The following WDR20 variants were observed in gnomAD, a reference collection of about 807,000 sequenced individuals.
WDR20 encodes the protein WD repeat domain 20.
In WDR20, 3 loss-of-function variants were observed where a neutral mutation model predicts 38.7. The observed-to-expected ratio is 0.08, with a 90% CI of 0.04 to 0.20. The LOEUF is 0.20. WDR20 is among the 10% of genes least tolerant of loss of function. The probability of loss-of-function intolerance (pLI) is 1.00; values close to 1 mark genes in which losing one functional copy is unlikely to be tolerated. For missense variants in WDR20, 559 were observed against 727.7 expected (o/e 0.77, Z 2.67); for synonymous variants, 298 against 285.6 (o/e 1.04, Z -0.44).
At chr14:102,159,233 C>A (rs1456757985) in intron 1 of WDR20, among the ~76,000 whole-genome samples, 7 of 152,028 alleles carry the variant, frequency 4.6e-5, no homozygotes, top group African/African-American at 1.7e-4. Flanking sequence ...TGAGCCACCG[C>A]ACCCAGCCCA....
intron 1 of WDR20, among the ~76,000 whole-genome samples, chr14:102,147,100 G>A (rs1383219586): frequency 6.6e-6 from 1 of 152,122 alleles, no homozygotes; most frequent in African/African-American, 2.4e-5. Context: ...GAAGAGGAGG[G>A]TGGTCATGAG....
chr14:102,180,477 A>G (rs1433011311), intron 1 of WDR20, among the ~76,000 whole-genome samples: 2 of 152,212 alleles, frequency 1.3e-5, no homozygotes, highest in Non-Finnish European at 2.9e-5. Flanking sequence ...CATACTATTT[A>G]TTGCAACTCC....
chr14:102,218,210 G>A (rs1291408584), downstream of WDR20, among the ~76,000 whole-genome samples: 2 of 152,234 alleles, frequency 1.3e-5, no homozygotes, highest in Admixed American at 1.3e-4. Flanking sequence ...GGTGACCTTG[G>A]GGGTTGAATG....
intron 1 of WDR20, among the ~76,000 whole-genome samples, chr14:102,165,455 G>A (rs1478009195): frequency 6.6e-6 from 1 of 151,938 alleles, no homozygotes; most frequent in Non-Finnish European, 1.5e-5. Context: ...CTAGCTTACT[G>A]AATTGAAAAC....
At chr14:102,148,123 G>A (rs1242344035) in intron 1 of WDR20, among the ~76,000 whole-genome samples, 3 of 152,202 alleles carry the variant, frequency 2.0e-5, no homozygotes, top group African/African-American at 7.2e-5. Context: ...AGGTTAGTTT[G>A]TGCAGTAATA....
intron 1 of WDR20, among the ~76,000 whole-genome samples, chr14:102,163,259 T>C (rs2152785446): frequency 6.6e-6 from 1 of 152,222 alleles, no homozygotes; most frequent in Admixed American, 6.5e-5. Context: ...ATGGGATGAC[T>C]TCCACCAGAT....
chr14:102,222,724 C>A lies in WDR20; in HGVS notation c.1693-106C>A. On this transcript the variant is annotated intron_variant, in intron 3 of 3. Transcript: ENST00000335263. The surrounding 1 kb of genome is among the most constrained non-coding windows in gnomAD (Gnocchi z 4.4). ...TTTGCTCCCACACTGGCTTCCACAT[C>A]AACAGCACCAGTTTTGACCACGTGG... 3 of 1,216,882 alleles carry A rather than the reference C, an allele frequency of 2.5e-6. No homozygotes were observed. Among genetic ancestry groups the A allele is most frequent in the Non-Finnish European group, 3.6e-6 (3 of 825,086 alleles). 75.4% of individuals were successfully genotyped at this position (1,216,882 alleles called of 1,614,324 possible).
chr14:102,171,064 G>C (rs1485967228), intron 1 of WDR20, among the ~76,000 whole-genome samples: 1 of 151,906 alleles, frequency 6.6e-6, no homozygotes, highest in Non-Finnish European at 1.5e-5. Context: ...CAGCAATTCT[G>C]TCTCAGGCTC....
chr14:102,142,226 T>G (rs2152661612), intron 1 of WDR20, among the ~76,000 whole-genome samples: 1 of 152,370 alleles, frequency 6.6e-6, no homozygotes, highest in African/African-American at 2.4e-5. Flanking sequence ...GTAGATACAT[T>G]TGCATTGTGT....
intron 1 of WDR20, among the ~76,000 whole-genome samples, chr14:102,147,314 A>G (rs2053999734): frequency 6.6e-6 from 1 of 152,208 alleles, no homozygotes; most frequent in South Asian, 2.1e-4. Flanking sequence ...ACTTGAACCC[A>G]GGAGGTGGAG....
At position 102,210,145 on chromosome 14, in the gene WDR20, C is replaced by T; in HGVS notation, c.*265C>T. The T allele has an allele frequency of 2.6e-6, 3 of 1,170,858 alleles. No homozygotes were observed. The highest frequency in any genetic ancestry group is 3.2e-6 in the Non-Finnish European group (3 of 947,770). The allele number at this position is 1,170,858 out of a possible 1,614,324, so 72.5% of individuals were successfully genotyped here. A position where few individuals can be genotyped will look rare whatever the true frequency, so the allele number is the denominator to read the frequency against. Reference sequence around the variant, plus strand: ...TATATAGAGTCCCAAGGTTAGCGCTCCTGTATTAGACTATTTCAATTTTAG... The same window carrying T: ...TATATAGAGTCCCAAGGTTAGCGCTTCTGTATTAGACTATTTCAATTTTAG... On this transcript the variant is annotated 3_prime_UTR_variant, in exon 3 of 3. Coordinates refer to ENST00000342702, the MANE Select transcript of WDR20 (RefSeq NM_144574.4).
chr14:102,217,935 G>A (rs2063420881), downstream of WDR20, among the ~76,000 whole-genome samples: 1 of 152,216 alleles, frequency 6.6e-6, no homozygotes, highest in Non-Finnish European at 1.5e-5. Context: ...ACCTGCCACA[G>A]AGGCCAGCAT....
At chr14:102,211,510 G>C (rs986466699), downstream of WDR20, among the ~76,000 whole-genome samples, 2 of 152,180 alleles carry the variant, frequency 1.3e-5, no homozygotes, top group African/African-American at 4.8e-5. The surrounding 1 kb of genome is among the most constrained non-coding windows in gnomAD (Gnocchi z 4.2). Context: ...TGGCATGGCC[G>C]CGTGCTGCCA....
chr14:102,198,461 C>T (rs1003298996), intron 2 of WDR20: 7 of 165,538 alleles, frequency 4.2e-5, no homozygotes, highest in Non-Finnish European at 8.2e-5. Flanking sequence ...GGACATCTCT[C>T]GGACGAAGTG....
In WDR20 at chr14:102,220,006, A is replaced by C. The variant is rs1001639631; in HGVS notation, c.1693-2824A>C. On this transcript the variant is annotated intron_variant, in intron 3 of 3. Coordinates refer to the WDR20 transcript ENST00000335263. This position sits in a 1 kb window ranked among gnomAD's most constrained non-coding sequence, Gnocchi z 4.2. Reference sequence around the variant, plus strand: ...GTTAGCCAGCAGAAACTGGAGAATGAGTGTGCATTTGTTTTGTGCTAATGG... The same window carrying C: ...GTTAGCCAGCAGAAACTGGAGAATGCGTGTGCATTTGTTTTGTGCTAATGG... 2.6e-5 allele frequency among the ~76,000 whole-genome samples: 4 copies of C among 152,222 alleles called. No individual in the cohort carries two copies. Among genetic ancestry groups the C allele is most frequent in the Admixed American group, 2.0e-4 (3 of 15,288 alleles).
chr14:102,168,473 C>T lies in WDR20; in HGVS notation c.250-26465C>T, dbSNP rs747924325. ...TAAGCATAATTTAGGTCCCTAGTAC[C>T]GAGTATTATGCCTGGCACGGTGTAG... is the stretch of plus-strand genomic sequence containing the variant. On this transcript the variant is annotated intron_variant, in intron 1 of 2. Coordinates refer to ENST00000342702, the MANE Select transcript of WDR20 (RefSeq NM_144574.4). Among the ~76,000 whole-genome samples the T allele has an allele frequency of 1.6e-4, 25 of 151,910 alleles. 1 individual carries two copies. The highest frequency in any genetic ancestry group is 1.5e-3 in the South Asian group (7 of 4,798).
downstream of WDR20, among the ~76,000 whole-genome samples, chr14:102,219,042 C>T (rs2063571928): frequency 2.6e-5 from 4 of 152,188 alleles, no homozygotes; most frequent in South Asian, 6.2e-4. Flanking sequence ...AGCAGGGTCC[C>T]TGTCACCGGG....
chr14:102,161,144 T>TATA (rs1374208711), intron 1 of WDR20, among the ~76,000 whole-genome samples: 25 of 7,244 alleles, frequency 3.5e-3, no homozygotes, highest in African/African-American at 4.9e-3. Context: ...ATATATATAT[T>TATA]TTTTTTTTTT....
upstream of WDR20, chr14:102,139,549 C>T: frequency 2.4e-6 from 2 of 849,982 alleles, no homozygotes; most frequent in Non-Finnish European, 3.5e-6. Context: ...TCACCTCAGG[C>T]TCATGACACC....
Sources: allele counts gnomAD v4.1 joint callset (sites outside exome capture counted in the v4.1 genomes callset), GRCh38; gene constraint gnomAD v4.1.1; non-coding constraint Gnocchi (gnomAD v3.1); transcripts MANE v1.5; gene names NCBI Gene and HGNC (gene_info 2026-07-23, HGNC 2026-07-21).